The following CSMD3 variants were observed in gnomAD, a reference collection of about 807,000 sequenced individuals.
The protein encoded by CSMD3 is CUB and Sushi multiple domains 3.
CSMD3 carries 177 observed loss-of-function variants against 435.2 expected under a neutral mutation model. The observed-to-expected ratio is 0.41, with a 90% confidence interval of 0.36 to 0.46. The LOEUF is 0.46. Among genes scored for constraint, CSMD3 ranks in the 20% least tolerant of loss-of-function variants. The pLI, the probability that CSMD3 is intolerant of heterozygous loss-of-function variation, is 0.34. For missense variants in CSMD3, 4,265 were observed against 4,504.6 expected (o/e 0.95, Z 1.52); for synonymous variants, 1,656 against 1,520.5 (o/e 1.09, Z -2.07).
chr8:112,640,365 C>A (rs1239311592), intron 20 of CSMD3, among the ~76,000 whole-genome samples: 1 of 151,810 alleles, frequency 6.6e-6, no homozygotes, highest in Non-Finnish European at 1.5e-5. Flanking sequence ...TGACAAGTAA[C>A]ATTTTTTATT....
intron 13 of CSMD3, among the ~76,000 whole-genome samples, chr8:112,732,763 T>C (rs2077103587): frequency 6.6e-6 from 1 of 151,484 alleles, no homozygotes; most frequent in South Asian, 2.1e-4. Context: ...TATTTTAGAA[T>C]TCCTGATGTC....
chr8:112,847,518 C>T (rs1247977055), intron 11 of CSMD3, among the ~76,000 whole-genome samples: 2 of 152,088 alleles, frequency 1.3e-5, no homozygotes, highest in African/African-American at 2.4e-5. Flanking sequence ...TCCTGCCTCT[C>T]CCACTCCCTT....
chr8:112,941,207 C>T (rs2083441152), intron 9 of CSMD3, among the ~76,000 whole-genome samples: 1 of 151,708 alleles, frequency 6.6e-6, no homozygotes, highest in African/African-American at 2.4e-5. Flanking sequence ...GAGGAAGAAA[C>T]AACAGAACTA....
At chr8:112,321,437 AAAG>A (rs1401102432) in intron 45 of CSMD3, among the ~76,000 whole-genome samples, 1 of 152,144 alleles carries the variant, frequency 6.6e-6, no homozygotes, top group African/African-American at 2.4e-5. Context: ...GATATACTTG[AAAG>A]AAGGAGTAAA....
At chr8:112,436,642 AT>A (rs770686685) in intron 32 of CSMD3, among the ~76,000 whole-genome samples, 55 of 151,350 alleles carry the variant, frequency 3.6e-4, no homozygotes, top group East Asian at 2.1e-3. Flanking sequence ...ATATAAAAAA[AT>A]ATACACAAAT....
intron 11 of CSMD3, among the ~76,000 whole-genome samples, chr8:112,836,217 T>A (rs568659519): frequency 2.0e-5 from 3 of 151,832 alleles, no homozygotes; most frequent in Non-Finnish European, 4.4e-5. Context: ...ACATAGGTAT[T>A]TTTTCCAAAG....
At chr8:112,251,839 G>T (rs1295416468) in intron 63 of CSMD3, among the ~76,000 whole-genome samples, 1 of 151,622 alleles carries the variant, frequency 6.6e-6, no homozygotes, top group Non-Finnish European at 1.5e-5. Flanking sequence ...TTTACTCCAT[G>T]GTTAATCCTG....
chr8:113,326,714 C>T (rs968758749), intron 1 of CSMD3, among the ~76,000 whole-genome samples: 7 of 152,102 alleles, frequency 4.6e-5, no homozygotes, highest in Admixed American at 2.6e-4. Context: ...GTATTTCAGA[C>T]ATTTATGCCA....
At chr8:112,893,876 C>A (rs2081873297) in intron 10 of CSMD3, among the ~76,000 whole-genome samples, 1 of 151,436 alleles carries the variant, frequency 6.6e-6, no homozygotes, top group African/African-American at 2.4e-5. Flanking sequence ...ACAGTATACT[C>A]TTCCAATGGA....
At chr8:112,331,363 GA>G (rs1331081744) in intron 45 of CSMD3, among the ~76,000 whole-genome samples, 1 of 151,876 alleles carries the variant, frequency 6.6e-6, no homozygotes, top group Non-Finnish European at 1.5e-5. Flanking sequence ...CCTCAAATGA[GA>G]AAAAAATATG....
intron 1 of CSMD3, among the ~76,000 whole-genome samples, chr8:113,324,159 T>C (rs2093967505): frequency 6.6e-6 from 1 of 152,066 alleles, no homozygotes; most frequent in Non-Finnish European, 1.5e-5. Flanking sequence ...GACAATGTGA[T>C]AAAAAGGAAA....
chr8:113,392,428 A>T (rs943746580), intron 1 of CSMD3, among the ~76,000 whole-genome samples: 1 of 152,108 alleles, frequency 6.6e-6, no homozygotes, highest in African/African-American at 2.4e-5. Context: ...TGCAGTGGCT[A>T]TGGGAGTTCT....
intron 1 of CSMD3, among the ~76,000 whole-genome samples, chr8:113,402,552 A>G (rs1357371830): frequency 1.3e-5 from 2 of 151,342 alleles, no homozygotes; most frequent in Admixed American, 6.6e-5. Context: ...TTAAAAATCT[A>G]TTGAGGAAAT....
In CSMD3 at chr8:112,484,090, C is replaced by T. The variant is rs184685814; in HGVS notation, c.5278+8399G>A. 7.2e-4 allele frequency among the ~76,000 whole-genome samples: 110 copies of T among 152,252 alleles called. 1 individual carries two copies. Among genetic ancestry groups the T allele is most frequent in the African/African-American group, 2.5e-3 (105 of 41,548 alleles). ...CTAGTAGCATTGGCTGTTATTCCACCTCAGACTTCTAAAGAAGAGAATGTG... is the reference window on the plus strand; with the variant it reads ...CTAGTAGCATTGGCTGTTATTCCACTTCAGACTTCTAAAGAAGAGAATGTG... On this transcript the variant is annotated intron_variant, in intron 31 of 70. Transcript: ENST00000297405.
chr8:113,041,311 G>A (rs2087606461), intron 5 of CSMD3, among the ~76,000 whole-genome samples: 1 of 151,912 alleles, frequency 6.6e-6, no homozygotes, highest in African/African-American at 2.4e-5. Flanking sequence ...ATTAGGGGTG[G>A]GGAAGTCAGG....
At chr8:112,743,512 C>T (rs552329712) in intron 13 of CSMD3, among the ~76,000 whole-genome samples, 39 of 151,826 alleles carry the variant, frequency 2.6e-4, no homozygotes, top group Non-Finnish European at 4.0e-4. Context: ...TCTCAGCCAT[C>T]GGGATGGATA....
chr8:113,393,107 G>C (rs541043207), intron 1 of CSMD3, among the ~76,000 whole-genome samples: 1 of 151,852 alleles, frequency 6.6e-6, no homozygotes, highest in South Asian at 2.1e-4. Flanking sequence ...GCTCACATAA[G>C]CATGCTTCAA....
At chr8:112,338,163 T>C (rs1428927114) in intron 42 of CSMD3, among the ~76,000 whole-genome samples, 2 of 152,212 alleles carry the variant, frequency 1.3e-5, no homozygotes, top group African/African-American at 2.4e-5. Flanking sequence ...GTTTTACTAA[T>C]TGTTTTTCTA....
At chr8:112,655,920 G>T (rs1477242702) in intron 18 of CSMD3, among the ~76,000 whole-genome samples, 1 of 151,926 alleles carries the variant, frequency 6.6e-6, no homozygotes, top group Non-Finnish European at 1.5e-5. Context: ...ATGATTTGAT[G>T]CTTCTGATAT....
Sources: gnomAD v4.1 joint callset for allele counts (sites outside exome capture counted in the v4.1 genomes callset) on GRCh38, gnomAD v4.1.1 for gene constraint, MANE v1.5 for transcripts, NCBI Gene and HGNC (gene_info 2026-07-23, HGNC 2026-07-21) for gene names.